The following IQSEC1 variants were observed in gnomAD, a reference collection of about 807,000 sequenced individuals.
The protein encoded by IQSEC1 is IQ motif and SEC7 domain-containing protein 1.
Under a neutral mutation model 91.0 loss-of-function variants are expected in IQSEC1, and 31 were observed. The ratio of observed to expected loss-of-function variants is 0.34; its 90% CI spans 0.26 to 0.46. IQSEC1 has a LOEUF of 0.46. Among genes scored for constraint, IQSEC1 ranks in the 20% least tolerant of loss-of-function variants. The probability of loss-of-function intolerance (pLI) is 1.00; values close to 1 mark genes in which losing one functional copy is unlikely to be tolerated. For missense variants in IQSEC1, 1,388 were observed against 1,575.6 expected, an observed-to-expected ratio of 0.88 and a Z score of 2.02; for synonymous variants, 699 against 662.6, an observed-to-expected ratio of 1.05 and a Z score of -0.84.
chr3:13,074,698 G>A (rs1705533937), upstream of IQSEC1, among the ~76,000 whole-genome samples: 1 of 152,216 alleles, frequency 6.6e-6, no homozygotes, highest in Non-Finnish European at 1.5e-5. Context: ...TCACTGGGAG[G>A]AATAAATGAG....
chr3:12,968,386 C>G (rs1265474890), intron 1 of IQSEC1, among the ~76,000 whole-genome samples: 1 of 152,074 alleles, frequency 6.6e-6, no homozygotes, highest in African/African-American at 2.4e-5. Flanking sequence ...CCAGAGACAC[C>G]CTTCAAGCAC....
chr3:13,098,330 C>T (rs1179457060), intron 2 of IQSEC1, among the ~76,000 whole-genome samples: 6 of 152,122 alleles, frequency 3.9e-5, no homozygotes, highest in South Asian at 4.1e-4. Context: ...GGAGCATAGA[C>T]GGCGAAATCT....
In IQSEC1 at chr3:13,043,834, C is replaced by T. The variant is rs568218739; in HGVS notation, c.23+29158G>A. On this transcript the variant is annotated intron_variant, in intron 1 of 13. Transcript: ENST00000613206. Reference sequence around the variant, plus strand: ...CTTTGGGGCCCAGGTTTGCACAACCCGACATCGTTTGCAAAGCAGTGGTCA... The same window carrying T: ...CTTTGGGGCCCAGGTTTGCACAACCTGACATCGTTTGCAAAGCAGTGGTCA... Among the ~76,000 whole-genome samples the T allele has an allele frequency of 9.8e-5, 15 of 152,298 alleles. No individual in the cohort carries two copies. The South Asian group carries it at 2.9e-3, about 29-fold the overall frequency.
chr3:12,948,508 G>A (rs991064477), intron 1 of IQSEC1, among the ~76,000 whole-genome samples: 1 of 152,222 alleles, frequency 6.6e-6, no homozygotes, highest in Non-Finnish European at 1.5e-5. Context: ...CCTCAGCCCA[G>A]ACCTGTTGGA....
chr3:13,173,590 A>G (rs1049982846), intron 1 of IQSEC1, among the ~76,000 whole-genome samples: 1 of 152,218 alleles, frequency 6.6e-6, no homozygotes, highest in Non-Finnish European at 1.5e-5. Context: ...TCTGTGGACA[A>G]TCCCAGAGGG....
intron 1 of IQSEC1, among the ~76,000 whole-genome samples, chr3:13,209,689 GCCTA>G (rs1471110145): frequency 7.9e-5 from 12 of 152,252 alleles, no homozygotes; most frequent in Non-Finnish European, 1.8e-4. Context: ...AATACCAGCT[GCCTA>G]TGCTGGGGGG....
At chr3:12,931,900 C>T (rs532581076) in intron 3 of IQSEC1, among the ~76,000 whole-genome samples, 1 of 152,352 alleles carries the variant, frequency 6.6e-6, no homozygotes, top group East Asian at 1.9e-4. Flanking sequence ...CCAAGTAGTC[C>T]AACCACACTG....
rs1693933695 is a variant in IQSEC1 at position 12,898,995 on chromosome 3, G to C, written c.*1988C>G. On this transcript the variant is annotated 3_prime_UTR_variant, in exon 14 of 14. Transcript: ENST00000613206. ...GTCCCATGCTGTTTCTTTCTGAGCA[G>C]ACACCAAAGAAATGCCACGCCAATG... is the stretch of plus-strand genomic sequence containing the variant. 4.4e-6 allele frequency: 1 copy of C among 225,824 alleles called. No homozygotes were observed. Among genetic ancestry groups the C allele is most frequent in the Non-Finnish European group, 9.0e-6 (1 of 111,170 alleles). The allele number at this position is 225,824 out of a possible 1,614,324, so 14.0% of individuals were successfully genotyped here. A position where few individuals can be genotyped will look rare whatever the true frequency, so the allele number is the denominator to read the frequency against.
In IQSEC1 at chr3:13,131,037, A is replaced by AAGGAAAGGGAAGG. The variant is rs144089637; in HGVS notation, c.302+33066_302+33067insCCTTCCCTTTCCT. 1.2e-3 allele frequency among the ~76,000 whole-genome samples: 171 copies of AAGGAAAGGGAAGG among 143,898 alleles called. 1 individual carries two copies. Among genetic ancestry groups the AAGGAAAGGGAAGG allele is most frequent in the African/African-American group, 4.2e-3 (164 of 38,776 alleles). The allele number at this position is 143,898 out of a possible 152,430, so 94.4% of individuals were successfully genotyped here. ...AGGAACGGAAGGGAAGGAAGGAAGG[A>AAGGAAAGGGAAGG]AAGGAAGGAAGGAAGGAAGGAAGGA... is the stretch of plus-strand genomic sequence containing the variant. On this transcript the variant is annotated intron_variant, in intron 2 of 15. Coordinates refer to the IQSEC1 transcript ENST00000648114.
At chr3:13,057,776 C>T (rs938597892) in intron 1 of IQSEC1, among the ~76,000 whole-genome samples, 3 of 152,236 alleles carry the variant, frequency 2.0e-5, no homozygotes, top group Non-Finnish European at 2.9e-5. Flanking sequence ...AACTGCCCTG[C>T]CCAGGAGCTC....
chr3:12,967,641 G>T lies in IQSEC1; in HGVS notation c.24-25776C>A. On this transcript the variant is annotated intron_variant, in intron 1 of 13. Transcript: ENST00000613206. This position sits in a 1 kb window ranked among gnomAD's most constrained non-coding sequence, Gnocchi z 5.9. ...CCGGCTCCCGCGGCTCCGGCCCCAAGTCCGAGCCCCAGGCCAGCCAAGCCC... is the reference window on the plus strand; with the variant it reads ...CCGGCTCCCGCGGCTCCGGCCCCAATTCCGAGCCCCAGGCCAGCCAAGCCC... The T allele has an allele frequency of 8.2e-7, 1 of 1,218,774 alleles. No individual in the cohort carries two copies. The highest frequency in any genetic ancestry group is 1.0e-6 in the Non-Finnish European group (1 of 980,358). The allele number at this position is 1,218,774 out of a possible 1,614,324, so 75.5% of individuals were successfully genotyped here.
intron 1 of IQSEC1, among the ~76,000 whole-genome samples, chr3:13,061,552 C>G (rs1008943845): frequency 1.3e-4 from 20 of 152,258 alleles, no homozygotes; most frequent in African/African-American, 4.3e-4. Flanking sequence ...CCCCAGCCCC[C>G]ACCAAGGTCC....
chr3:12,967,684 C>T lies in IQSEC1; in HGVS notation c.24-25819G>A, dbSNP rs926693471. On this transcript the variant is annotated intron_variant, in intron 1 of 13. Transcript: ENST00000613206. The surrounding 1 kb of genome is among the most constrained non-coding windows in gnomAD (Gnocchi z 5.9). ...CCAAGCCCGCCCCTCCGCCGCCGCC[C>T]GCTTGGCGCAGCGCGAGGCCGGGCC... 2.7e-5 allele frequency: 31 copies of T among 1,162,210 alleles called. No homozygotes were observed. The highest frequency in any genetic ancestry group is 3.3e-5 in the Non-Finnish European group (31 of 944,708). The allele number at this position is 1,162,210 out of a possible 1,614,324, so 72.0% of individuals were successfully genotyped here.
At chr3:13,066,900 A>C (rs544222797) in intron 1 of IQSEC1, among the ~76,000 whole-genome samples, 1 of 152,334 alleles carries the variant, frequency 6.6e-6, no homozygotes, top group East Asian at 1.9e-4. Context: ...TGAGTGAATG[A>C]ATGGGTGAGT....
At chr3:12,926,050 C>A (rs1485789476) in intron 3 of IQSEC1, among the ~76,000 whole-genome samples, 1 of 152,148 alleles carries the variant, frequency 6.6e-6, no homozygotes, top group East Asian at 1.9e-4. Context: ...GTGGCCCACA[C>A]CTGTAATTCC....
At chr3:13,215,578 T>C (rs1369293628) in intron 1 of IQSEC1, among the ~76,000 whole-genome samples, 2 of 152,218 alleles carry the variant, frequency 1.3e-5, no homozygotes, top group Non-Finnish European at 2.9e-5. Context: ...TCTTTGGTCC[T>C]GGGGCCGAGG....
chr3:13,055,087 C>T (rs1323088679), intron 1 of IQSEC1, among the ~76,000 whole-genome samples: 5 of 152,252 alleles, frequency 3.3e-5, no homozygotes, highest in East Asian at 3.8e-4. Context: ...GGCCACAGAC[C>T]GCCCTGCCTG....
intron 12 of IQSEC1, among the ~76,000 whole-genome samples, chr3:12,903,249 A>G (rs1694574120): frequency 6.6e-6 from 1 of 152,186 alleles, no homozygotes; most frequent in African/African-American, 2.4e-5. Flanking sequence ...CAGGTACTGC[A>G]TGCCTACCTT....
intron 6 of IQSEC1, 68 bp from the exon 7 acceptor site, chr3:12,915,801 C>T: frequency 3.8e-6 from 6 of 1,577,746 alleles, no homozygotes; most frequent in Non-Finnish European, 3.5e-6. Flanking sequence ...GTTTCTAAAG[C>T]AAATCAGAGG....
Sources: gnomAD v4.1 joint callset for allele counts (sites outside exome capture counted in the v4.1 genomes callset) on GRCh38, gnomAD v4.1.1 for gene constraint, Gnocchi (gnomAD v3.1) non-coding constraint, MANE v1.5 for transcripts, NCBI Gene and HGNC (gene_info 2026-07-23, HGNC 2026-07-21) for gene names.